The following IYD variants were observed in gnomAD, a reference collection of about 807,000 sequenced individuals.
IYD encodes iodotyrosine deiodinase 1.
In IYD, 25 loss-of-function variants were observed where a neutral mutation model predicts 28.4. The ratio of observed to expected loss-of-function variants is 0.88; its 90% CI spans 0.64 to 1.23. The LOEUF is 1.23. IYD is among the 50% of genes most tolerant of loss of function. The pLI is 0.00. For missense variants in IYD, 352 were observed against 357.9 expected, an observed-to-expected ratio of 0.98 and a Z score of 0.13; for synonymous variants, 140 against 130.8, an observed-to-expected ratio of 1.07 and a Z score of -0.48.
At chr6:150,385,600 T>A (rs1399354068) in intron 1 of IYD, among the ~76,000 whole-genome samples, 1 of 152,054 alleles carries the variant, frequency 6.6e-6, no homozygotes, top group African/African-American at 2.4e-5. Flanking sequence ...ATTCTGTTAT[T>A]AATATTTTAT....
In IYD at chr6:150,370,362, AGT is replaced by A. The variant is rs1306056967; in HGVS notation, c.178+1161_178+1162del. ...GTGTGAGTGTGCACGTGTGTGCATG[AGT>A]GTGTGTGAGCATGCATGAGTTTGTG... On this transcript the variant is annotated intron_variant, in intron 1 of 4. Transcript: ENST00000344419. The A allele has an allele frequency of 3.3e-5, 11 of 335,574 alleles. No individual in the cohort carries two copies. In the South Asian group the frequency reaches 4.9e-4, roughly 15 times the overall value. 20.8% of individuals were successfully genotyped at this position (335,574 alleles called of 1,614,324 possible).
intron 4 of IYD, chr6:150,395,311 A>C (rs184692324): frequency 2.1e-6 from 2 of 931,908 alleles, no homozygotes; most frequent in Admixed American, 5.3e-5. Context: ...TTAAAAAAAA[A>C]AGAGAGCTTC....
intron 1 of IYD, among the ~76,000 whole-genome samples, chr6:150,374,877 G>T (rs9480324): frequency 6.6e-6 from 1 of 152,016 alleles, no homozygotes. Flanking sequence ...GGAGGGTCAG[G>T]AAATTCTTCC....
At chr6:150,377,890 A>G (rs1777505841) in intron 1 of IYD, among the ~76,000 whole-genome samples, 1 of 152,146 alleles carries the variant, frequency 6.6e-6, no homozygotes, top group Non-Finnish European at 1.5e-5. Context: ...CGTTCATGAC[A>G]TTGGCATTTC....
chr6:150,388,225 C>T (rs1227493447), intron 1 of IYD, among the ~76,000 whole-genome samples: 2 of 152,202 alleles, frequency 1.3e-5, no homozygotes, highest in Admixed American at 1.3e-4. Context: ...TTATGATTGA[C>T]ACTTCCCCTA....
At chr6:150,374,308 G>C (rs757433411) in intron 1 of IYD, among the ~76,000 whole-genome samples, 1 of 152,218 alleles carries the variant, frequency 6.6e-6, no homozygotes, top group Non-Finnish European at 1.5e-5. Context: ...GGCAAAAAGT[G>C]AACAGTCGTG....
At position 150,404,429 on chromosome 6, in the gene IYD, GT is replaced by G. The variant is rs1325596186; in HGVS notation, c.*6193del. The G allele has an allele frequency of 3.9e-5, 6 of 152,138 alleles. No homozygotes were observed. Among genetic ancestry groups the G allele is most frequent in the African/African-American group, 1.4e-4 (6 of 41,432 alleles). The allele number at this position is 152,138 out of a possible 1,614,324, so 9.4% of individuals were successfully genotyped here. A position where few individuals can be genotyped will look rare whatever the true frequency, so the allele number is the denominator to read the frequency against. On this transcript the variant is annotated 3_prime_UTR_variant, in exon 5 of 5. Coordinates refer to ENST00000344419, the MANE Select transcript of IYD (RefSeq NM_203395.3). ...GAATATTTAACTTAGCTCATGAAAA[GT>G]ATTAGACTAGATTTACTATAAGTTT...
Position 150,389,412 on chromosome 6 carries a change from A to G in IYD, c.239A>G (p.His80Arg), listed in dbSNP as rs73617666. Residue 80 changes from histidine (H) to arginine (R), a missense_variant, in exon 2 of 5, where the codon CAC becomes CGC. His to Arg is a conservative substitution (Grantham distance 29, BLOSUM62 0). Transcript: ENST00000344419. ...NVEHIPFSHN[H>R]YPEKEMVKRS... ...GAACACATCCCCTTCTCTCATAACC[A>G]CTATCCTGAGAAGGAAATGGTTAAG... 1 of 1,613,670 alleles carries G rather than the reference A, an allele frequency of 6.2e-7. No homozygotes were observed. The highest frequency in any genetic ancestry group is 2.2e-5 in the East Asian group (1 of 44,848).
In IYD at chr6:150,396,456, T is replaced by A. The variant is rs538991617; in HGVS notation, c.688-1599T>A. The A allele has an allele frequency of 5.9e-4, 413 of 696,762 alleles. 1 individual carries two copies. The highest frequency in any genetic ancestry group is 1.5e-3 in the Admixed American group (74 of 49,022). 43.2% of individuals were successfully genotyped at this position (696,762 alleles called of 1,614,324 possible). A position where few individuals can be genotyped will look rare whatever the true frequency, so the allele number is the denominator to read the frequency against. On this transcript the variant is annotated intron_variant, in intron 4 of 4. Coordinates refer to ENST00000344419, the MANE Select transcript of IYD (RefSeq NM_203395.3). The stretch of plus-strand genomic sequence containing the variant: ...TAATAAGAGGAATTGTTTAATATGG[T>A]CTGTGTATTTGCAGGTTTCTACTGC...
At chr6:150,374,155 G>C (rs1777363709) in intron 1 of IYD, among the ~76,000 whole-genome samples, 1 of 152,354 alleles carries the variant, frequency 6.6e-6, no homozygotes, top group Middle Eastern at 3.4e-3. Flanking sequence ...CTAGGTTCAT[G>C]GCTGAGGCCC....
chr6:150,371,971 G>T (rs1033127826), intron 1 of IYD, among the ~76,000 whole-genome samples: 1 of 152,186 alleles, frequency 6.6e-6, no homozygotes, highest in Non-Finnish European at 1.5e-5. Flanking sequence ...CATGATCTAC[G>T]TGGGGATATT....
chr6:150,379,197 C>T (rs1307461036), intron 1 of IYD, among the ~76,000 whole-genome samples: 2 of 152,118 alleles, frequency 1.3e-5, no homozygotes, highest in Non-Finnish European at 2.9e-5. Flanking sequence ...ATTCCTGGTT[C>T]CTCCCTCTCT....
chr6:150,377,673 C>G (rs1777499429), intron 1 of IYD, among the ~76,000 whole-genome samples: 2 of 152,206 alleles, frequency 1.3e-5, no homozygotes, highest in African/African-American at 2.4e-5. Flanking sequence ...TGCATTTAGA[C>G]TGCTTTCAGT....
chr6:150,372,832 T>G (rs1162747726), intron 1 of IYD, among the ~76,000 whole-genome samples: 1 of 152,000 alleles, frequency 6.6e-6, no homozygotes. Context: ...CAGTCTCCCT[T>G]TGCAAACCAG....
intron 1 of IYD, among the ~76,000 whole-genome samples, chr6:150,377,335 G>C (rs1213468301): frequency 6.6e-6 from 1 of 152,190 alleles, no homozygotes; most frequent in African/African-American, 2.4e-5. Context: ...CTGGCTGAGG[G>C]CCACATTCCT....
chr6:150,395,422 T>C, intron 4 of IYD: 3 of 1,537,258 alleles, frequency 2.0e-6, no homozygotes, highest in Non-Finnish European at 2.6e-6. Context: ...CTGAAGGAGC[T>C]GGCATTGATT....
chr6:150,396,457 C>A, intron 4 of IYD: 1 of 696,120 alleles, frequency 1.4e-6, no homozygotes, highest in South Asian at 1.5e-5. Context: ...TTAATATGGT[C>A]TGTGTATTTG....
chr6:150,378,040 CA>C (rs1160623856), intron 1 of IYD, among the ~76,000 whole-genome samples: 1 of 152,134 alleles, frequency 6.6e-6, no homozygotes, highest in Admixed American at 6.6e-5. Context: ...AGCTATAAGC[CA>C]AAAGTAGCGC....
At chr6:150,395,391 T>C in intron 4 of IYD, 1 of 1,536,534 alleles carries the variant, frequency 6.5e-7, no homozygotes, top group Non-Finnish European at 8.7e-7. Flanking sequence ...AAATGTGTTT[T>C]AGGTTTTTGG....
Sources: gnomAD v4.1 joint callset for allele counts (sites outside exome capture counted in the v4.1 genomes callset) on GRCh38, gnomAD v4.1.1 for gene constraint, MANE v1.5 for transcripts, NCBI Gene and HGNC (gene_info 2026-07-23, HGNC 2026-07-21) for gene names.